The following ADAM20 variants were observed in gnomAD, a reference collection of about 807,000 sequenced individuals.
ADAM20 encodes ADAM metallopeptidase domain 20.
For synonymous variants in ADAM20, 305 were observed against 310.2 expected (o/e 0.98, Z 0.18); for missense variants, 871 against 883.2 (o/e 0.99, Z 0.18).
intron 1 of ADAM20, among the ~76,000 whole-genome samples, chr14:70,528,517 G>A (rs756466778): frequency 1.2e-4 from 19 of 152,264 alleles, no homozygotes; most frequent in Non-Finnish European, 2.2e-4. Context: ...TGTATAGGGG[G>A]TTGAACTGTT....
rs531424520 is a variant in ADAM20 at position 70,531,061 on chromosome 14, A to T, written c.-177+3736T>A. On this transcript the variant is annotated intron_variant, in intron 1 of 1. Coordinates refer to ENST00000256389, the MANE Select transcript of ADAM20 (RefSeq NM_003814.5). ...TCAATACAAATTGGTATTTGAAAAG[A>T]TCAACAAAATTGGCAAACCTTTAAC... Among the ~76,000 whole-genome samples the T allele has an allele frequency of 1.2e-4, 19 of 152,266 alleles. 1 individual carries two copies. In the South Asian group the frequency reaches 3.7e-3, roughly 30 times the overall value.
At chr14:70,559,368 C>A in the ADAM20 span, among the ~76,000 whole-genome samples, 1 of 151,364 alleles carries the variant, frequency 6.6e-6, no homozygotes, top group East Asian at 1.9e-4. Context: ...GTTGTTTTAA[C>A]CTTCAAAATC....
the ADAM20 span, among the ~76,000 whole-genome samples, chr14:70,568,498 G>A: frequency 2.0e-5 from 3 of 152,092 alleles, no homozygotes; most frequent in African/African-American, 7.2e-5. Context: ...CACCTCCAAA[G>A]GATTGCACCA....
the ADAM20 span, among the ~76,000 whole-genome samples, chr14:70,575,332 C>T: frequency 0.011 from 1,635 of 152,126 alleles, 19 homozygotes; most frequent in African/African-American, 0.032. Context: ...GTTGCTGGGA[C>T]TACAGGTGCA....
chr14:70,537,946 T>C (rs1164464366), upstream of ADAM20, among the ~76,000 whole-genome samples: 2 of 152,176 alleles, frequency 1.3e-5, no homozygotes, highest in African/African-American at 4.8e-5. Flanking sequence ...CAACCCTCCC[T>C]GTGTCAAGCT....
In ADAM20 at chr14:70,524,666, G is replaced by A; in HGVS notation, c.92C>T (p.Ala31Val). 2 of 1,613,980 alleles carry A rather than the reference G, an allele frequency of 1.2e-6. No individual in the cohort carries two copies. The highest frequency in any genetic ancestry group is 1.7e-6 in the Non-Finnish European group (2 of 1,179,946). The change falls in exon 2 of 2, where the codon GCC (alanine) becomes GTC (valine). Residue 31 changes from alanine to valine, a missense_variant. Physicochemically the swap from Ala to Val is moderately conservative, Grantham distance 64. Transcript: ENST00000256389. Reference protein sequence around the residue: ...MFLSISGHSQARPSQYFTSPE... With the variant: ...MFLSISGHSQVRPSQYFTSPE... ...AGAAGTGAAATACTGGGAGGGCCTG[G>A]CCTGAGAGTGGCCAGAAATAGACAA...
upstream of ADAM20, among the ~76,000 whole-genome samples, chr14:70,536,944 CA>C (rs577264085): frequency 0.042 from 5,288 of 125,258 alleles, 219 homozygotes; most frequent in African/African-American, 0.11. Flanking sequence ...CACTCCTAAC[CA>C]AAAAAAAAAA....
chr14:70,538,903 T>C (rs1883890808), upstream of ADAM20, among the ~76,000 whole-genome samples: 1 of 152,206 alleles, frequency 6.6e-6, no homozygotes, highest in South Asian at 2.1e-4. Context: ...GTTCAAGTGA[T>C]TCTCCTGCCT....
the ADAM20 span, among the ~76,000 whole-genome samples, chr14:70,540,218 A>G: frequency 6.6e-6 from 1 of 152,156 alleles, no homozygotes. Context: ...GAAGGCCAAT[A>G]ATCCAATTGG....
At chr14:70,550,758 A>G in the ADAM20 span, among the ~76,000 whole-genome samples, 1 of 62,844 alleles carries the variant, frequency 1.6e-5, no homozygotes, top group African/African-American at 8.4e-5. Flanking sequence ...TCCTTCTGAA[A>G]CTATTCCAAT....
Position 70,524,411 on chromosome 14 carries a change from T to G in ADAM20, c.347A>C (p.Glu116Ala). ...GGCAACCAAGGACTCAGGGACCCCC[T>G]CCACATAACCATGGTAGTAGCAGTC... Reference protein sequence around the residue: ...QDDCYYHGYVEGVPESLVALS... With the variant: ...QDDCYYHGYVAGVPESLVALS... Residue 116 changes from glutamate to alanine, a missense_variant, in exon 2 of 2, where the codon GAG becomes GCG. By Grantham distance (107) the Glu-to-Ala change is moderately radical (BLOSUM62 -1). Coordinates refer to ENST00000256389, the MANE Select transcript of ADAM20 (RefSeq NM_003814.5). 1 of 1,613,944 alleles carries G rather than the reference T, an allele frequency of 6.2e-7. No individual in the cohort carries two copies. Among genetic ancestry groups the G allele is most frequent in the Non-Finnish European group, 8.5e-7 (1 of 1,179,922 alleles).
rs1411407173 is a variant in ADAM20 at position 70,524,715 on chromosome 14, G to A, written c.43C>T (p.Leu15=). The change falls in exon 2 of 2, where the codon CTG becomes TTG. Residue 15 remains leucine, a synonymous_variant. Coordinates refer to ENST00000256389, the MANE Select transcript of ADAM20 (RefSeq NM_003814.5). Reference sequence around the variant, plus strand: ...AAAAACATCCCAAACCAGAGCAGCAGAAGAGTGACCCTGATGTGCACCAGG... The same window carrying A: ...AAAAACATCCCAAACCAGAGCAGCAAAAGAGTGACCCTGATGTGCACCAGG... ...EPLVHIRVTL[L]LLWFGMFLSI... The A allele has an allele frequency of 1.2e-6, 2 of 1,613,882 alleles. No individual in the cohort carries two copies. Among genetic ancestry groups the A allele is most frequent in the African/African-American group, 2.7e-5 (2 of 74,920 alleles).
the ADAM20 span, among the ~76,000 whole-genome samples, chr14:70,561,680 C>T: frequency 2.0e-4 from 31 of 152,236 alleles, no homozygotes; most frequent in Non-Finnish European, 3.2e-4. Context: ...ATGGCTGCAT[C>T]CCAGCCATTC....
chr14:70,579,125 T>C, the ADAM20 span, among the ~76,000 whole-genome samples: 1 of 152,140 alleles, frequency 6.6e-6, no homozygotes, highest in African/African-American at 2.4e-5. Context: ...TTTGCTGTTG[T>C]TAATAGTGCT....
At chr14:70,559,078 G>T in the ADAM20 span, among the ~76,000 whole-genome samples, 1 of 151,938 alleles carries the variant, frequency 6.6e-6, no homozygotes, top group Non-Finnish European at 1.5e-5. Flanking sequence ...TCTCCTGCCT[G>T]GGACTTCTGT....
At chr14:70,547,656 C>T in the ADAM20 span, among the ~76,000 whole-genome samples, 2 of 20,882 alleles carry the variant, frequency 9.6e-5, no homozygotes, top group Admixed American at 4.9e-4. Context: ...GGGTCCTACG[C>T]CCACGGAATC....
upstream of ADAM20, among the ~76,000 whole-genome samples, chr14:70,539,448 C>G (rs142763507): frequency 6.6e-6 from 1 of 152,174 alleles, no homozygotes; most frequent in African/African-American, 2.4e-5. Flanking sequence ...GCATGAGGGG[C>G]GCCTGTCCAT....
chr14:70,577,698 G>T, the ADAM20 span, among the ~76,000 whole-genome samples: 1 of 152,182 alleles, frequency 6.6e-6, no homozygotes, highest in South Asian at 2.1e-4. Flanking sequence ...TATACAGACA[G>T]ACGTATGGAC....
At position 70,524,949 on chromosome 14, in the gene ADAM20, T is replaced by C. The variant is rs1566656415; in HGVS notation, c.-176-16A>G. ...AAAATAAAAACTGAAAGAGCCAGGATGGGGTGGGTGGGATAGAAAGGGAGA... is the reference window on the plus strand; with the variant it reads ...AAAATAAAAACTGAAAGAGCCAGGACGGGGTGGGTGGGATAGAAAGGGAGA... On this transcript the variant is annotated splice_polypyrimidine_tract_variant and intron_variant, in intron 1 of 1. Transcript: ENST00000256389. 9.8e-6 allele frequency: 15 copies of C among 1,536,806 alleles called. No individual in the cohort carries two copies. Among genetic ancestry groups the C allele is most frequent in the Non-Finnish European group, 1.3e-5 (15 of 1,143,022 alleles).
Sources: gnomAD v4.1 joint callset for allele counts (sites outside exome capture counted in the v4.1 genomes callset) on GRCh38, gnomAD v4.1.1 for gene constraint, MANE v1.5 for transcripts, NCBI Gene and HGNC (gene_info 2026-07-23, HGNC 2026-07-21) for gene names.